MYRIP: variants seen among roughly 807,000 people sequenced by gnomAD.
MYRIP encodes myosin VIIA and Rab interacting protein.
In MYRIP, 49 loss-of-function variants were observed where a neutral mutation model predicts 98.0. The ratio of observed to expected loss-of-function variants is 0.50; its 90% CI spans 0.40 to 0.63. The LOEUF (loss-of-function observed/expected upper bound fraction) is 0.63. MYRIP is among the 30% of genes least tolerant of loss of function. MYRIP has a pLI of 0.00. For synonymous variants in MYRIP, 404 were observed against 409.5 expected (o/e 0.99, Z 0.16); for missense variants, 1,004 against 1,058.2 (o/e 0.95, Z 0.71).
At chr3:39,824,121 G>A (rs191201306) in intron 1 of MYRIP, among the ~76,000 whole-genome samples, 18 of 152,200 alleles carry the variant, frequency 1.2e-4, no homozygotes, top group Admixed American at 3.3e-4. Context: ...CCTTTCCTCG[G>A]TGAATGCTCT....
chr3:40,188,932 A>G (rs1951118330), intron 9 of MYRIP, among the ~76,000 whole-genome samples: 1 of 152,176 alleles, frequency 6.6e-6, no homozygotes, highest in Admixed American at 6.5e-5. Context: ...ACAAGACAAA[A>G]CAACTTTTAC....
At chr3:40,038,513 T>G (rs917002835) in intron 2 of MYRIP, among the ~76,000 whole-genome samples, 2 of 152,040 alleles carry the variant, frequency 1.3e-5, no homozygotes, top group Non-Finnish European at 2.9e-5. Flanking sequence ...CTGAACTTAC[T>G]GAACAAGGGA....
chr3:40,028,677 C>A lies in MYRIP; in HGVS notation c.111-15373C>A, dbSNP rs78300845. Among the ~76,000 whole-genome samples the A allele has an allele frequency of 9.2e-5, 14 of 152,302 alleles. No homozygotes were observed. In the East Asian group the frequency reaches 2.3e-3, roughly 25 times the overall value. ...AACTTCTGATGTTAAACCCATCACT[C>A]TTTCCCATGTAGCTGACCATTTGAA... is the stretch of plus-strand genomic sequence containing the variant. On this transcript the variant is annotated intron_variant, in intron 2 of 16. Coordinates refer to ENST00000302541, the MANE Select transcript of MYRIP (RefSeq NM_015460.4).
chr3:39,901,070 G>A lies in MYRIP; in HGVS notation c.110+144G>A, dbSNP rs369809742. On this transcript the variant is annotated intron_variant, in intron 2 of 16. Transcript: ENST00000302541. ...AGAATGTCCTGTCCTTTGTAGAAAG[G>A]TTTGCCAGTTTCAGAAATGTCAGTT... is the stretch of plus-strand genomic sequence containing the variant. 442 of 610,814 alleles carry A rather than the reference G, an allele frequency of 7.2e-4. 5 individuals are homozygous for A. In the South Asian group the frequency reaches 8.1e-3, roughly 11 times the overall value. The allele number at this position is 610,814 out of a possible 1,614,324, so 37.8% of individuals were successfully genotyped here. A position where few individuals can be genotyped will look rare whatever the true frequency, so the allele number is the denominator to read the frequency against.
chr3:39,878,331 G>A (rs1011918495), intron 1 of MYRIP, among the ~76,000 whole-genome samples: 8 of 152,056 alleles, frequency 5.3e-5, no homozygotes, highest in East Asian at 1.9e-4. Context: ...GCTTCAGCTC[G>A]AGCACAGTGC....
At chr3:40,004,400 G>A (rs1389646844) in intron 2 of MYRIP, among the ~76,000 whole-genome samples, 9 of 152,152 alleles carry the variant, frequency 5.9e-5, no homozygotes, top group Admixed American at 1.3e-4. Context: ...CATTGAGCCC[G>A]GGCCATACCA....
chr3:40,131,427 G>A (rs1246298883), intron 3 of MYRIP, among the ~76,000 whole-genome samples: 1 of 152,164 alleles, frequency 6.6e-6, no homozygotes, highest in Non-Finnish European at 1.5e-5. Flanking sequence ...CTGTGAGGTA[G>A]ATTTTATAAA....
chr3:39,920,904 T>A (rs1944289316), intron 2 of MYRIP, among the ~76,000 whole-genome samples: 1 of 152,198 alleles, frequency 6.6e-6, no homozygotes, highest in Non-Finnish European at 1.5e-5. Context: ...CTCTTCACTT[T>A]TAAGGCATTC....
At chr3:40,023,065 T>A (rs927581438) in intron 2 of MYRIP, among the ~76,000 whole-genome samples, 1 of 152,018 alleles carries the variant, frequency 6.6e-6, no homozygotes, top group African/African-American at 2.4e-5. Flanking sequence ...GATGGGGGAA[T>A]ATAGAACAAG....
At chr3:39,974,984 C>A (rs1415325887) in intron 2 of MYRIP, among the ~76,000 whole-genome samples, 1 of 152,128 alleles carries the variant, frequency 6.6e-6, no homozygotes, top group South Asian at 2.1e-4. Context: ...AAAACTGGCA[C>A]AAGACAGGGA....
At position 40,190,228 on chromosome 3, in the gene MYRIP, G is replaced by T. The variant is rs1265628961; in HGVS notation, c.1430G>T (p.Arg477Met). The change falls in exon 10 of 17, where the codon AGG (arginine) becomes ATG (methionine). Residue 477 changes from arginine (R) to methionine (M), a missense_variant. This residue lies in a region of MYRIP where 880 missense variants were observed against 907.7 expected (regional missense o/e 0.97). Coordinates refer to ENST00000302541, the MANE Select transcript of MYRIP (RefSeq NM_015460.4). ...GHQARLSWLQRKAPRNPAAEK... is the reference protein window; with the variant it reads ...GHQARLSWLQMKAPRNPAAEK... ...CAGGCCAGACTGTCCTGGTTGCAGA[G>T]GAAGGCCCCCAGGAACCCTGCAGCT... 6.2e-7 allele frequency: 1 copy of T among 1,614,004 alleles called. No homozygotes were observed. The highest frequency in any genetic ancestry group is 1.7e-5 in the Admixed American group (1 of 60,014).
At chr3:39,871,941 T>G (rs1294566401) in intron 1 of MYRIP, among the ~76,000 whole-genome samples, 1 of 152,032 alleles carries the variant, frequency 6.6e-6, no homozygotes, top group East Asian at 1.9e-4. Flanking sequence ...CTGAACCCAG[T>G]ACAGTTGTAT....
chr3:40,085,226 A>G (rs1948602346), intron 3 of MYRIP, among the ~76,000 whole-genome samples: 1 of 151,330 alleles, frequency 6.6e-6, no homozygotes, highest in South Asian at 2.1e-4. Flanking sequence ...TATGTGTTAT[A>G]TATCCACAGA....
chr3:40,201,901 A>C (rs536286107), intron 10 of MYRIP, among the ~76,000 whole-genome samples: 1 of 152,322 alleles, frequency 6.6e-6, no homozygotes, highest in East Asian at 1.9e-4. Context: ...GACACCAGGG[A>C]CAGAAACGTT....
intron 2 of MYRIP, among the ~76,000 whole-genome samples, chr3:39,957,310 T>C (rs1167278079): frequency 2.0e-4 from 30 of 151,810 alleles, no homozygotes; most frequent in South Asian, 8.3e-4. Context: ...TCCAGCAGCA[T>C]ATCAAAAAGC....
intron 1 of MYRIP, 100 bp from the exon 2 acceptor site, chr3:39,900,687 T>G (rs1296385587): frequency 1.6e-6 from 1 of 616,876 alleles, no homozygotes; most frequent in African/African-American, 1.9e-5. Flanking sequence ...ACATAAACAC[T>G]TACATATAAA....
chr3:39,861,078 G>T (rs1236503515), intron 1 of MYRIP, among the ~76,000 whole-genome samples: 1 of 152,214 alleles, frequency 6.6e-6, no homozygotes, highest in Non-Finnish European at 1.5e-5. Flanking sequence ...GCTTTGGCTG[G>T]CACCACCCAT....
chr3:39,842,757 C>T (rs998313720), intron 1 of MYRIP, among the ~76,000 whole-genome samples: 2 of 152,148 alleles, frequency 1.3e-5, no homozygotes, highest in African/African-American at 4.8e-5. Context: ...GTGATTACCC[C>T]CCCTGCTTCT....
chr3:40,044,743 T>C (rs950390894), intron 3 of MYRIP, among the ~76,000 whole-genome samples: 1 of 152,154 alleles, frequency 6.6e-6, no homozygotes, highest in Non-Finnish European at 1.5e-5. Flanking sequence ...AGTTTGTCTA[T>C]TGGCTATGAG....
Sources: allele counts gnomAD v4.1 joint callset (sites outside exome capture counted in the v4.1 genomes callset), GRCh38; gene constraint gnomAD v4.1.1; regional missense constraint gnomAD v4.1.1; transcripts MANE v1.5; gene names NCBI Gene and HGNC (gene_info 2026-07-23, HGNC 2026-07-21).